The following MACROD2 variants were observed in gnomAD, a reference collection of about 807,000 sequenced individuals.
The protein encoded by MACROD2 is ADP-ribose glycohydrolase MACROD2.
MACROD2 carries 36 observed loss-of-function variants against 70.4 expected under a neutral mutation model. The observed-to-expected ratio is 0.51, with a 90% CI of 0.39 to 0.68. The LOEUF (loss-of-function observed/expected upper bound fraction) is 0.68, where lower values mean the gene tolerates loss of function less well. Ranked by LOEUF, MACROD2 falls within the 30% of genes least tolerant of loss-of-function variation. MACROD2 has a pLI of 0.00. For synonymous variants in MACROD2, 172 were observed against 178.8 expected (o/e 0.96, Z 0.30); for missense variants, 496 against 538.4 (o/e 0.92, Z 0.78).
At chr20:14,255,614 A>G (rs1007949696) in intron 3 of MACROD2, among the ~76,000 whole-genome samples, 6 of 151,966 alleles carry the variant, frequency 3.9e-5, no homozygotes. Context: ...GCAACACACC[A>G]ACATGGCACA....
At chr20:15,017,407 G>A (rs2075130075) in intron 5 of MACROD2, among the ~76,000 whole-genome samples, 1 of 152,206 alleles carries the variant, frequency 6.6e-6, no homozygotes, top group Admixed American at 6.5e-5. Flanking sequence ...GCTTTGCAGG[G>A]TACAGCCTTC....
chr20:14,890,901 C>G (rs2073747798), intron 5 of MACROD2, among the ~76,000 whole-genome samples: 1 of 151,852 alleles, frequency 6.6e-6, no homozygotes, highest in Non-Finnish European at 1.5e-5. Flanking sequence ...ATTTGAATGT[C>G]ATGATGGAAA....
At chr20:15,079,090 A>G (rs2075682705) in intron 5 of MACROD2, among the ~76,000 whole-genome samples, 1 of 152,182 alleles carries the variant, frequency 6.6e-6, no homozygotes, top group Non-Finnish European at 1.5e-5. Flanking sequence ...CCTTGTTCAT[A>G]AAAATCATTT....
intron 2 of MACROD2, among the ~76,000 whole-genome samples, chr20:14,012,987 A>AT (rs1404126415): frequency 6.6e-6 from 1 of 152,154 alleles, no homozygotes; most frequent in East Asian, 1.9e-4. Context: ...TGTATGATCT[A>AT]TAAGTGTGTG....
At chr20:14,754,553 C>A (rs952161782) in intron 5 of MACROD2, among the ~76,000 whole-genome samples, 8 of 151,952 alleles carry the variant, frequency 5.3e-5, no homozygotes, top group African/African-American at 1.9e-4. Context: ...CTGGTGGGCA[C>A]AGAGTCTCTT....
chr20:15,050,183 C>G (rs973273069), intron 5 of MACROD2, among the ~76,000 whole-genome samples: 4 of 152,096 alleles, frequency 2.6e-5, no homozygotes, highest in African/African-American at 9.7e-5. Context: ...TGATGATTCT[C>G]TCTTTGACTT....
intron 4 of MACROD2, among the ~76,000 whole-genome samples, chr20:14,583,417 A>G (rs766824745): frequency 6.6e-6 from 1 of 152,160 alleles, no homozygotes; most frequent in Non-Finnish European, 1.5e-5. Flanking sequence ...AGCAGGTCCC[A>G]ATGGATTCAA....
intron 8 of MACROD2, among the ~76,000 whole-genome samples, chr20:15,550,236 A>G (rs1449364558): frequency 6.6e-6 from 1 of 150,398 alleles, no homozygotes; most frequent in African/African-American, 2.4e-5. Context: ...CCACTGTTTT[A>G]TTATTTAAAA....
In MACROD2 at chr20:14,702,566, C is replaced by T. The variant is rs530097023; in HGVS notation, c.418+17607C>T. 2.3e-3 allele frequency among the ~76,000 whole-genome samples: 269 copies of T among 118,512 alleles called. 17 individuals are homozygous for T. Among genetic ancestry groups the T allele is most frequent in the African/African-American group, 7.9e-3 (256 of 32,408 alleles). The allele number at this position is 118,512 out of a possible 152,430, so 77.7% of individuals were successfully genotyped here. ...ATGTGTGTGTGTGTATATATATATA[C>T]ACATATATGTGTATATATATGTATA... On this transcript the variant is annotated intron_variant, in intron 5 of 17. Coordinates refer to ENST00000684519, the MANE Select transcript of MACROD2 (RefSeq NM_001351661.2).
rs151238720 is a variant in MACROD2 at position 14,796,759 on chromosome 20, A to G, written c.418+111800A>G. 4.1e-4 allele frequency among the ~76,000 whole-genome samples: 63 copies of G among 152,156 alleles called. 1 individual carries two copies. In the South Asian group the frequency reaches 1.0e-2, roughly 24 times the overall value. ...CCTGATATGTATACATAGCTTTAAT[A>G]TATATCTTGTGTATTCAGCTTTACC... On this transcript the variant is annotated intron_variant, in intron 5 of 17. Coordinates refer to ENST00000684519, the MANE Select transcript of MACROD2 (RefSeq NM_001351661.2).
intron 8 of MACROD2, among the ~76,000 whole-genome samples, chr20:15,546,585 A>G (rs1174800207): frequency 6.6e-6 from 1 of 152,246 alleles, no homozygotes; most frequent in African/African-American, 2.4e-5. Context: ...TCAGATTCAC[A>G]TAAAAGAAAA....
At chr20:14,832,265 T>C (rs2072979243) in intron 5 of MACROD2, among the ~76,000 whole-genome samples, 1 of 151,980 alleles carries the variant, frequency 6.6e-6, no homozygotes, top group East Asian at 1.9e-4. Flanking sequence ...TCGAGTTCTT[T>C]AACTACTTGA....
chr20:14,755,869 A>G (rs933047780), intron 5 of MACROD2, among the ~76,000 whole-genome samples: 1 of 152,096 alleles, frequency 6.6e-6, no homozygotes, highest in East Asian at 1.9e-4. Flanking sequence ...TGAACATAAC[A>G]TTTGTTATAT....
chr20:14,995,216 G>A (rs180870305), intron 5 of MACROD2, among the ~76,000 whole-genome samples: 2 of 152,118 alleles, frequency 1.3e-5, no homozygotes, highest in Admixed American at 6.6e-5. Flanking sequence ...TATCATTTTT[G>A]TGTTTTACCT....
intron 6 of MACROD2, among the ~76,000 whole-genome samples, chr20:15,363,433 G>C (rs567236892): frequency 6.6e-6 from 1 of 152,176 alleles, no homozygotes; most frequent in Non-Finnish European, 1.5e-5. Context: ...AGTTTCGAAA[G>C]GCACCATGGC....
At chr20:14,650,576 G>A (rs1247914650) in intron 4 of MACROD2, among the ~76,000 whole-genome samples, 1 of 152,150 alleles carries the variant, frequency 6.6e-6, no homozygotes, top group African/African-American at 2.4e-5. Flanking sequence ...AGACTCAAAT[G>A]GAACTGACTT....
At chr20:14,030,326 C>G (rs1011672403) in intron 2 of MACROD2, among the ~76,000 whole-genome samples, 2 of 152,124 alleles carry the variant, frequency 1.3e-5, no homozygotes, top group African/African-American at 4.8e-5. Context: ...GCATGAGTTA[C>G]TGTGCCCAGC....
intron 8 of MACROD2, among the ~76,000 whole-genome samples, chr20:15,505,416 C>G (rs907442159): frequency 6.6e-6 from 1 of 152,112 alleles, no homozygotes; most frequent in African/African-American, 2.4e-5. Flanking sequence ...ACCTGAACCC[C>G]TCTCCTCCTA....
chr20:15,674,805 G>T (rs1354578999), intron 8 of MACROD2, among the ~76,000 whole-genome samples: 3 of 151,722 alleles, frequency 2.0e-5, no homozygotes. Flanking sequence ...GATAAAAGAA[G>T]TAGATATACT....
Sources: allele counts gnomAD v4.1 joint callset (sites outside exome capture counted in the v4.1 genomes callset), GRCh38; gene constraint gnomAD v4.1.1; transcripts MANE v1.5; gene names NCBI Gene and HGNC (gene_info 2026-07-23, HGNC 2026-07-21).